Variants in TENM2 observed in about 807,000 individuals in gnomAD.
TENM2 encodes teneurin transmembrane protein 2, also known as teneurin-2.
In TENM2, 52 loss-of-function variants were observed where a neutral mutation model predicts 245.2. The observed-to-expected ratio is 0.21, with a 90% CI of 0.17 to 0.27. TENM2 has a LOEUF of 0.27. Ranked by LOEUF, TENM2 falls within the 10% of genes least tolerant of loss-of-function variation. TENM2 has a pLI of 1.00. For missense variants in TENM2, 3,046 were observed against 3,666.8 expected, an observed-to-expected ratio of 0.83 and a Z score of 4.37; for synonymous variants, 1,363 against 1,438.9, an observed-to-expected ratio of 0.95 and a Z score of 1.19.
intron 3 of TENM2, among the ~76,000 whole-genome samples, chr5:167,901,173 C>G (rs1775675090): frequency 6.6e-6 from 1 of 151,714 alleles, no homozygotes; most frequent in South Asian, 2.1e-4. Context: ...ATATAACTTC[C>G]TTTTCTCTTT....
intron 2 of TENM2, among the ~76,000 whole-genome samples, chr5:167,769,239 G>A (rs999944672): frequency 6.6e-6 from 1 of 152,124 alleles, no homozygotes; most frequent in Non-Finnish European, 1.5e-5. Flanking sequence ...TGGTTGTTTG[G>A]GGAGCACTTA....
In TENM2 at chr5:167,384,572, C is replaced by T. The variant is rs79414701; in HGVS notation, c.502+9099C>T. Among the ~76,000 whole-genome samples the T allele has an allele frequency of 1.4e-3, 209 of 152,300 alleles. 4 individuals are homozygous for T. The East Asian group carries it at 0.033, about 24-fold the overall frequency. ...CAATCAGATGACCAAGAGCTGTGAG[C>T]TTCATCTTAAGGAGTTAAAGTCTGA... On this transcript the variant is annotated intron_variant, in intron 2 of 28. Coordinates refer to ENST00000518659, the Ensembl canonical transcript of TENM2.
chr5:167,361,783 G>A (rs1581842760), intron 1 of TENM2, among the ~76,000 whole-genome samples: 3 of 152,198 alleles, frequency 2.0e-5, no homozygotes, highest in East Asian at 3.8e-4. Flanking sequence ...TCTATTATAT[G>A]TGAATACATC....
chr5:167,853,239 G>T (rs1439672459), intron 2 of TENM2, among the ~76,000 whole-genome samples: 3 of 123,090 alleles, frequency 2.4e-5, no homozygotes, highest in Non-Finnish European at 4.8e-5. Context: ...GCAGTGAGCC[G>T]AGATCGCCCC....
intron 12 of TENM2, among the ~76,000 whole-genome samples, chr5:168,143,879 C>G (rs867058374): frequency 1.2e-5 from 1 of 82,300 alleles, no homozygotes; most frequent in African/African-American, 4.8e-5. Context: ...GACAGAGTTT[C>G]TCTCTTATTT....
chr5:167,392,434 C>A (rs182331760), intron 2 of TENM2, among the ~76,000 whole-genome samples: 6 of 152,062 alleles, frequency 3.9e-5, no homozygotes, highest in African/African-American at 1.4e-4. Context: ...CCACTGATGG[C>A]CTGAATAGAA....
intron 2 of TENM2, among the ~76,000 whole-genome samples, chr5:167,810,895 T>C (rs1313469055): frequency 6.6e-6 from 1 of 152,166 alleles, no homozygotes; most frequent in African/African-American, 2.4e-5. Flanking sequence ...ATTAGAGTAA[T>C]GGAAAGAGGA....
intron 2 of TENM2, among the ~76,000 whole-genome samples, chr5:167,501,008 G>C (rs143034167): frequency 6.6e-6 from 1 of 152,104 alleles, no homozygotes; most frequent in East Asian, 1.9e-4. Flanking sequence ...TGATAACCAA[G>C]TGTGGGCCTT....
At chr5:167,366,400 G>A (rs935608492) in intron 1 of TENM2, among the ~76,000 whole-genome samples, 1 of 152,076 alleles carries the variant, frequency 6.6e-6, no homozygotes, top group African/African-American at 2.4e-5. Flanking sequence ...TCTGTAGACT[G>A]ATGATCATCA....
chr5:167,419,129 G>GTAGATAGATAGA (rs55794859), intron 2 of TENM2, among the ~76,000 whole-genome samples: 35,180 of 150,220 alleles, frequency 0.23, 4,586 homozygotes, highest in Admixed American at 0.29. Flanking sequence ...AGATGTGTAT[G>GTAGATAGATAGA]TAGATAGATA....
chr5:167,924,441 C>T (rs959142091), intron 3 of TENM2, among the ~76,000 whole-genome samples: 18 of 152,192 alleles, frequency 1.2e-4, no homozygotes, highest in Middle Eastern at 3.2e-3. Context: ...CAACTGGCTG[C>T]GTCTGACCTG....
At chr5:168,116,165 G>A (rs931099302) in intron 9 of TENM2, among the ~76,000 whole-genome samples, 1 of 152,122 alleles carries the variant, frequency 6.6e-6, no homozygotes, top group Non-Finnish European at 1.5e-5. Flanking sequence ...TAGCAACTCT[G>A]TACAAACTCC....
At chr5:168,202,489 A>G (rs1292026055) in intron 17 of TENM2, among the ~76,000 whole-genome samples, 2 of 150,192 alleles carry the variant, frequency 1.3e-5, no homozygotes, top group Admixed American at 6.7e-5. Flanking sequence ...TGACCCTAAT[A>G]GATTTTGATT....
intron 1 of TENM2, among the ~76,000 whole-genome samples, chr5:167,367,414 T>G (rs1187462160): frequency 1.3e-5 from 2 of 152,186 alleles, no homozygotes; most frequent in African/African-American, 4.8e-5. Context: ...TAATAATGCA[T>G]GTACACTTAC....
intron 1 of TENM2, among the ~76,000 whole-genome samples, chr5:167,295,847 T>A (rs1754921108): frequency 1.3e-5 from 2 of 152,184 alleles, no homozygotes. Context: ...CTGCACTGAC[T>A]GCCTTCCTTT....
At chr5:167,330,052 G>T (rs747086869) in intron 1 of TENM2, among the ~76,000 whole-genome samples, 2 of 152,054 alleles carry the variant, frequency 1.3e-5, no homozygotes, top group Admixed American at 1.3e-4. Context: ...GAAAATCTCC[G>T]TTCTTTTTGT....
At chr5:168,095,572 TA>T (rs1053500083) in intron 8 of TENM2, among the ~76,000 whole-genome samples, 2 of 152,196 alleles carry the variant, frequency 1.3e-5, no homozygotes, top group African/African-American at 4.8e-5. Context: ...TTTGCTTATT[TA>T]ATTTGTTTGT....
At chr5:167,718,679 G>A (rs1373056757) in intron 2 of TENM2, among the ~76,000 whole-genome samples, 3 of 152,054 alleles carry the variant, frequency 2.0e-5, no homozygotes, top group East Asian at 1.9e-4. Flanking sequence ...ATTATAGATC[G>A]GGATTCATAC....
chr5:168,036,016 ATCTT>A (rs1011617951), intron 5 of TENM2, among the ~76,000 whole-genome samples: 1 of 152,168 alleles, frequency 6.6e-6, no homozygotes, highest in Non-Finnish European at 1.5e-5. Context: ...AAACGTGCCT[ATCTT>A]TCTTTAGCTC....
Sources: allele counts gnomAD v4.1 joint callset (sites outside exome capture counted in the v4.1 genomes callset), GRCh38; gene constraint gnomAD v4.1.1; transcripts MANE v1.5; gene names NCBI Gene and HGNC (gene_info 2026-07-23, HGNC 2026-07-21).